Variants in DIAPH3 observed in about 807,000 individuals in gnomAD.
The protein encoded by DIAPH3 is diaphanous related formin 3, also known as protein diaphanous homolog 3.
Under a neutral mutation model 144.3 loss-of-function variants are expected in DIAPH3, and 117 were observed. That is an observed-to-expected ratio of 0.81 (90% CI 0.70 to 0.95). The LOEUF is 0.95. DIAPH3 is among the 40% of genes least tolerant of loss of function. The probability of loss-of-function intolerance (pLI) is 0.00; values close to 1 mark genes in which losing one functional copy is unlikely to be tolerated. For missense variants in DIAPH3, 1,421 were observed against 1,412.7 expected (o/e 1.01, Z -0.09); for synonymous variants, 519 against 488.9 (o/e 1.06, Z -0.81).
intron 25 of DIAPH3, among the ~76,000 whole-genome samples, chr13:59,806,880 AT>A (rs2040225501): frequency 6.6e-6 from 1 of 151,862 alleles, no homozygotes; most frequent in Admixed American, 6.5e-5. Flanking sequence ...ATAAAATTCA[AT>A]GTATCAATTT....
intron 14 of DIAPH3, 128 bp downstream of exon 14, chr13:59,980,667 A>T (rs1320177149): frequency 3.7e-6 from 3 of 810,054 alleles, no homozygotes; most frequent in Non-Finnish European, 6.2e-6. Flanking sequence ...TCCTTGGTGG[A>T]GGGCATCTAT....
At chr13:59,976,298 G>A (rs1326928391) in intron 14 of DIAPH3, among the ~76,000 whole-genome samples, 1 of 151,820 alleles carries the variant, frequency 6.6e-6, no homozygotes, top group Non-Finnish European at 1.5e-5. Context: ...CCTCATCTTA[G>A]GTGATCTCTC....
chr13:59,691,911 A>T (rs1351462261), intron 27 of DIAPH3, among the ~76,000 whole-genome samples: 1 of 152,016 alleles, frequency 6.6e-6, no homozygotes, highest in African/African-American at 2.4e-5. Context: ...AATAATCCTG[A>T]CTCTTCAGTG....
intron 4 of DIAPH3, among the ~76,000 whole-genome samples, chr13:60,084,007 C>CAGATAGAT (rs71089524): frequency 0.011 from 1,456 of 136,542 alleles, 16 homozygotes; most frequent in Non-Finnish European, 0.013. Context: ...GATAGATAGA[C>CAGATAGAT]AGATAGATAG....
At chr13:59,864,905 G>T (rs1374386432) in intron 21 of DIAPH3, among the ~76,000 whole-genome samples, 1 of 151,852 alleles carries the variant, frequency 6.6e-6, no homozygotes. Context: ...TTCAAAATGG[G>T]TATTTAACAA....
intron 22 of DIAPH3, among the ~76,000 whole-genome samples, chr13:59,847,196 T>C (rs1176175298): frequency 1.3e-5 from 2 of 152,236 alleles, no homozygotes; most frequent in Non-Finnish European, 2.9e-5. Context: ...GTTCTGATTC[T>C]TGATGGAACC....
At chr13:59,857,181 G>GT (rs1403441311) in intron 22 of DIAPH3, among the ~76,000 whole-genome samples, 1 of 152,118 alleles carries the variant, frequency 6.6e-6, no homozygotes, top group African/African-American at 2.4e-5. Flanking sequence ...AGAGGTTAAC[G>GT]TGTCTTTTGG....
chr13:59,913,631 T>A (rs936192828), intron 19 of DIAPH3, among the ~76,000 whole-genome samples: 3 of 152,210 alleles, frequency 2.0e-5, no homozygotes, highest in African/African-American at 7.2e-5. Context: ...TGTCAAATTA[T>A]AAATTCCAAG....
intron 1 of DIAPH3, among the ~76,000 whole-genome samples, chr13:60,152,487 G>GAT (rs144792127): frequency 0.096 from 13,378 of 139,908 alleles, 687 homozygotes; most frequent in South Asian, 0.14. Flanking sequence ...TTTAGGGAAA[G>GAT]ATATATATAT....
chr13:59,686,499 T>C (rs974049748), intron 27 of DIAPH3, among the ~76,000 whole-genome samples: 1 of 148,900 alleles, frequency 6.7e-6, no homozygotes, highest in African/African-American at 2.4e-5. Context: ...AGAAAGCACT[T>C]TGGGCTCTTC....
intron 5 of DIAPH3, among the ~76,000 whole-genome samples, chr13:60,039,219 G>C (rs2055453891): frequency 6.6e-6 from 1 of 152,072 alleles, no homozygotes; most frequent in South Asian, 2.1e-4. Context: ...AGAAGTTGAA[G>C]AGTGGCTCTA....
chr13:60,001,444 G>C (rs1029979931), intron 9 of DIAPH3, among the ~76,000 whole-genome samples: 2 of 152,176 alleles, frequency 1.3e-5, no homozygotes, highest in Non-Finnish European at 2.9e-5. Context: ...AAGTTGGACT[G>C]ACTGTCTTCA....
chr13:59,852,037 C>T (rs1171565754), intron 22 of DIAPH3, among the ~76,000 whole-genome samples: 1 of 152,136 alleles, frequency 6.6e-6, no homozygotes, highest in Non-Finnish European at 1.5e-5. Context: ...GTTCAATAAG[C>T]TGTTTTGAGA....
At chr13:59,956,276 A>T (rs1305925347) in intron 17 of DIAPH3, among the ~76,000 whole-genome samples, 1 of 152,218 alleles carries the variant, frequency 6.6e-6, no homozygotes, top group Admixed American at 6.5e-5. Context: ...CTCCCATCAT[A>T]GGCCCGGAGA....
chr13:59,689,353 G>C (rs1472880662), intron 27 of DIAPH3, among the ~76,000 whole-genome samples: 4 of 152,024 alleles, frequency 2.6e-5, no homozygotes, highest in African/African-American at 9.7e-5. Flanking sequence ...AGGAAGGAAT[G>C]AGCTGGGAAA....
intron 27 of DIAPH3, among the ~76,000 whole-genome samples, chr13:59,750,414 G>A (rs1424928492): frequency 1.3e-5 from 2 of 152,050 alleles, no homozygotes; most frequent in East Asian, 1.9e-4. Context: ...AATACCTACA[G>A]CAATTAGGTT....
chr13:60,021,611 T>A (rs545005074), intron 5 of DIAPH3, among the ~76,000 whole-genome samples: 15 of 142,760 alleles, frequency 1.1e-4, no homozygotes, highest in African/African-American at 3.7e-4. Context: ...AGACAACAAG[T>A]GCAAGATGGT....
At chr13:59,700,381 C>T (rs757678207) in intron 27 of DIAPH3, among the ~76,000 whole-genome samples, 2 of 152,220 alleles carry the variant, frequency 1.3e-5, no homozygotes, top group Non-Finnish European at 2.9e-5. Context: ...TACACAGACA[C>T]ACACTAATTC....
chr13:59,872,083 GCT>G, intron 21 of DIAPH3, among the ~76,000 whole-genome samples: 1 of 152,138 alleles, frequency 6.6e-6, no homozygotes, highest in East Asian at 1.9e-4. Context: ...ATTGATATCT[GCT>G]CTAGTATATA....
Sources: allele counts gnomAD v4.1 joint callset (sites outside exome capture counted in the v4.1 genomes callset), GRCh38; gene constraint gnomAD v4.1.1; transcripts MANE v1.5; gene names NCBI Gene and HGNC (gene_info 2026-07-23, HGNC 2026-07-21).